The following OGFOD1 variants were observed in gnomAD, a reference collection of about 807,000 sequenced individuals.
The protein encoded by OGFOD1 is prolyl 3-hydroxylase OGFOD1.
OGFOD1 carries 54 observed loss-of-function variants against 67.7 expected under a neutral mutation model. That is an observed-to-expected ratio of 0.80 (90% CI 0.64 to 1.00). The LOEUF is 1.00. Ranked by LOEUF, OGFOD1 falls within the 50% of genes least tolerant of loss-of-function variation. The pLI is 0.00. For synonymous variants in OGFOD1, 221 were observed against 227.0 expected (o/e 0.97, Z 0.24); for missense variants, 606 against 646.7 (o/e 0.94, Z 0.68).
chr16:56,451,561 C>G lies in OGFOD1; in HGVS notation c.-52C>G, dbSNP rs1962329904. 3.7e-6 allele frequency: 6 copies of G among 1,600,546 alleles called. No homozygotes were observed. Among genetic ancestry groups the G allele is most frequent in the Non-Finnish European group, 4.3e-6 (5 of 1,172,608 alleles). ...GACATGCCGGGAGTTGCAGTACCCT[C>G]AGGAAGGTAGCGTCTTGATCTGCGT... On this transcript the variant is annotated 5_prime_UTR_variant, in exon 1 of 13. Coordinates refer to ENST00000566157, the MANE Select transcript of OGFOD1 (RefSeq NM_018233.4).
chr16:56,474,674 A>G (rs1318451365), intron 10 of OGFOD1, among the ~76,000 whole-genome samples, 154 bp from the exon 11 acceptor site: 2 of 152,174 alleles, frequency 1.3e-5, no homozygotes, highest in Non-Finnish European at 2.9e-5. Context: ...ACAATCTTTT[A>G]TAAGGCTGGA....
At chr16:56,458,671 G>T in intron 3 of OGFOD1, 77 bp downstream of exon 3, 3 of 1,170,788 alleles carry the variant, frequency 2.6e-6, no homozygotes, top group Non-Finnish European at 3.8e-6. Context: ...TTACAACATT[G>T]TGTATGTCAT....
intron 1 of OGFOD1, among the ~76,000 whole-genome samples, chr16:56,452,738 G>T (rs1254657839): frequency 3.3e-5 from 5 of 152,136 alleles, no homozygotes; most frequent in African/African-American, 9.7e-5. Flanking sequence ...ACAGGATGGT[G>T]ATCTAGCCAG....
chr16:56,476,339 T>A lies in OGFOD1; in HGVS notation c.*134T>A. ...GTTCTTAAAACTGGTTGTCTTTTAC[T>A]AGGACTCATAATGATTGTCCTCAAC... On this transcript the variant is annotated 3_prime_UTR_variant, in exon 13 of 13. Transcript: ENST00000566157. 1 of 718,842 alleles carries A rather than the reference T, an allele frequency of 1.4e-6. No homozygotes were observed. The highest frequency in any genetic ancestry group is 2.2e-6 in the Non-Finnish European group (1 of 451,076). The allele number at this position is 718,842 out of a possible 1,614,324, so 44.5% of individuals were successfully genotyped here.
chr16:56,474,317 C>CT (rs770427579), intron 10 of OGFOD1, among the ~76,000 whole-genome samples: 1,578 of 130,042 alleles, frequency 0.012, 28 homozygotes, highest in African/African-American at 0.03. Flanking sequence ...CAAAATTCAA[C>CT]TTTTTTTTTT....
At chr16:56,460,516 G>A (rs1338191485) in intron 3 of OGFOD1, among the ~76,000 whole-genome samples, 5 of 152,204 alleles carry the variant, frequency 3.3e-5, no homozygotes, top group African/African-American at 7.2e-5. Flanking sequence ...TGGTTCAGCA[G>A]TTTGCTATCC....
intron 7 of OGFOD1, 130 bp downstream of exon 7, chr16:56,467,423 TTTC>T (rs1319841656): frequency 2.7e-6 from 3 of 1,094,034 alleles, no homozygotes; most frequent in Non-Finnish European, 2.6e-6. Flanking sequence ...TTCTTTTTTT[TTTC>T]TTCCTTTTTT....
rs1567551083 is a variant in OGFOD1, at chr16:56,467,293, T to C, written c.786T>C (p.Asp262=). 6.2e-7 allele frequency: 1 copy of C among 1,614,108 alleles called. No homozygotes were observed. Among genetic ancestry groups the C allele is most frequent in the Non-Finnish European group, 8.5e-7 (1 of 1,179,988 alleles). ...CTCGGAGCCCTCACATCCCACAAGA[T>C]GTAAGAAGAATTGCTGATATCCTTA... ...PIPRSPHIPQ[D]HEILYDWINP... is the part of the protein sequence containing the mutation. Residue 262 remains aspartate (D), a splice_region_variant and synonymous_variant, in exon 7 of 13, where the codon GAT becomes GAC. Transcript: ENST00000566157.
chr16:56,468,358 A>G (rs1962991088), intron 8 of OGFOD1, among the ~76,000 whole-genome samples: 1 of 152,218 alleles, frequency 6.6e-6, no homozygotes, highest in African/African-American at 2.4e-5. Flanking sequence ...ATAGATTACT[A>G]ATAGATCAAT....
In OGFOD1 at chr16:56,470,729, A is replaced by G; in HGVS notation, c.1223A>G (p.Asn408Ser). The G allele has an allele frequency of 1.9e-6, 3 of 1,613,902 alleles. No individual in the cohort carries two copies. Among genetic ancestry groups the G allele is most frequent in the Non-Finnish European group, 2.5e-6 (3 of 1,179,930 alleles). The part of the protein sequence containing the change: ...EPENNQMAIS[N>S]NSQQSNEQTD... Reference sequence around the variant, plus strand: ...GAGAATAATCAGATGGCCATCAGCAACAACAGCCAACAGAGCAATGAGCAG... The same window carrying G: ...GAGAATAATCAGATGGCCATCAGCAGCAACAGCCAACAGAGCAATGAGCAG... Residue 408 changes from asparagine (N) to serine (S), a missense_variant, in exon 10 of 13, where the codon AAC becomes AGC. Coordinates refer to ENST00000566157, the MANE Select transcript of OGFOD1 (RefSeq NM_018233.4).
At chr16:56,463,880 C>G (rs756431471) in intron 4 of OGFOD1, among the ~76,000 whole-genome samples, 2 of 152,078 alleles carry the variant, frequency 1.3e-5, no homozygotes, top group Admixed American at 6.6e-5. Flanking sequence ...GGACATTCTC[C>G]TACATGATAA....
chr16:56,457,598 ACTTTTTTTTT>A lies in OGFOD1; in HGVS notation c.301-940_301-931del, dbSNP rs1319089874. ...AAAAATGTTCTCAAAAACTCCAATG[ACTTTTTTTTT>A]CTTTTTTTTGCTTCAGAAATCTTCT... On this transcript the variant is annotated intron_variant, in intron 2 of 12. Transcript: ENST00000566157. 1.6e-4 allele frequency among the ~76,000 whole-genome samples: 15 copies of A among 92,812 alleles called. No homozygotes were observed. The South Asian group carries it at 4.7e-3, about 29-fold the overall frequency. The allele number at this position is 92,812 out of a possible 152,430, so 60.9% of individuals were successfully genotyped here.
rs1378894106 is a variant in OGFOD1, at chr16:56,477,866, T to G, written c.*1661T>G. On this transcript the variant is annotated 3_prime_UTR_variant, in exon 13 of 13. Coordinates refer to ENST00000566157, the MANE Select transcript of OGFOD1 (RefSeq NM_018233.4). Reference sequence around the variant, plus strand: ...TCCTAAAACTTTTGAGTATTCATTCTTTTCTGAAGTTTGCATTTAAATGAA... The same window carrying G: ...TCCTAAAACTTTTGAGTATTCATTCGTTTCTGAAGTTTGCATTTAAATGAA... The G allele has an allele frequency of 1.3e-5, 2 of 152,242 alleles. No homozygotes were observed. Among genetic ancestry groups the G allele is most frequent in the Admixed American group, 1.3e-4 (2 of 15,290 alleles). 9.4% of individuals were successfully genotyped at this position (152,242 alleles called of 1,614,324 possible). A position where few individuals can be genotyped will look rare whatever the true frequency, so the allele number is the denominator to read the frequency against.
intron 2 of OGFOD1, among the ~76,000 whole-genome samples, chr16:56,457,442 T>G (rs919996004): frequency 1.3e-5 from 2 of 152,134 alleles, no homozygotes; most frequent in African/African-American, 4.8e-5. Flanking sequence ...CTATTTGGAG[T>G]GTTAAAAAGT....
chr16:56,468,978 A>G (rs1415742495), intron 8 of OGFOD1, among the ~76,000 whole-genome samples: 1 of 152,204 alleles, frequency 6.6e-6, no homozygotes, highest in Non-Finnish European at 1.5e-5. Context: ...CCATGAAAAA[A>G]GGTTGAGACT....
At position 56,477,708 on chromosome 16, in the gene OGFOD1, A is replaced by G. The variant is rs1963542806; in HGVS notation, c.*1503A>G. On this transcript the variant is annotated 3_prime_UTR_variant, in exon 13 of 13. Coordinates refer to ENST00000566157, the MANE Select transcript of OGFOD1 (RefSeq NM_018233.4). Reference sequence around the variant, plus strand: ...AAAGATGCTGTTCTCATTCCATCCCAATAGAGTCTTCTGTTTCCTTTCTCT... The same window carrying G: ...AAAGATGCTGTTCTCATTCCATCCCGATAGAGTCTTCTGTTTCCTTTCTCT... The G allele has an allele frequency of 6.6e-6, 1 of 152,138 alleles. No individual in the cohort carries two copies. Among genetic ancestry groups the G allele is most frequent in the Admixed American group, 6.5e-5 (1 of 15,270 alleles). 9.4% of individuals were successfully genotyped at this position (152,138 alleles called of 1,614,324 possible). A position where few individuals can be genotyped will look rare whatever the true frequency, so the allele number is the denominator to read the frequency against.
At chr16:56,473,703 AT>A (rs1226175104) in intron 10 of OGFOD1, among the ~76,000 whole-genome samples, 28 of 134,514 alleles carry the variant, frequency 2.1e-4, no homozygotes, top group Admixed American at 7.3e-4. Context: ...TGGTTACTTG[AT>A]TTTTTTTTTT....
rs1963497078 is a variant in OGFOD1, at chr16:56,476,766, T to A, written c.*561T>A. 1 of 151,596 alleles carries A rather than the reference T, an allele frequency of 6.6e-6. No homozygotes were observed. Among genetic ancestry groups the A allele is most frequent in the African/African-American group, 2.5e-5 (1 of 40,772 alleles). The allele number at this position is 151,596 out of a possible 1,614,324, so 9.4% of individuals were successfully genotyped here. ...CATACAGTATTTGTCCTTTTGTGAC[T>A]GGTTTCACTTAGCATAAAGTCTTTA... On this transcript the variant is annotated 3_prime_UTR_variant, in exon 13 of 13. Coordinates refer to ENST00000566157, the MANE Select transcript of OGFOD1 (RefSeq NM_018233.4).
Position 56,466,902 on chromosome 16 carries a change from A to G in OGFOD1, c.592A>G (p.Lys198Glu). The G allele has an allele frequency of 6.2e-7, 1 of 1,613,840 alleles. No homozygotes were observed. Among genetic ancestry groups the G allele is most frequent in the African/African-American group, 1.3e-5 (1 of 75,036 alleles). ...DEHFQPKQIV[K>E]SLIPSWNKLV... is the part of the protein sequence containing the mutation. The stretch of plus-strand genomic sequence containing the variant: ...ACACTTTCAGCCGAAGCAGATTGTC[A>G]AGTCTCTTATCCCTTCGTGGAACAA... The change falls in exon 6 of 13, where the codon AAG becomes GAG. Residue 198 changes from lysine to glutamate, a missense_variant. By Grantham distance (56) the Lys-to-Glu change is moderately conservative. Coordinates refer to ENST00000566157, the MANE Select transcript of OGFOD1 (RefSeq NM_018233.4).
Sources: gnomAD v4.1 joint callset for allele counts (sites outside exome capture counted in the v4.1 genomes callset) on GRCh38, gnomAD v4.1.1 for gene constraint, MANE v1.5 for transcripts, NCBI Gene and HGNC (gene_info 2026-07-23, HGNC 2026-07-21) for gene names.